The following SMYD3 variants were observed in gnomAD, a reference collection of about 807,000 sequenced individuals.
The protein encoded by SMYD3 is histone-lysine N-methyltransferase SMYD3.
In SMYD3, 36 loss-of-function variants were observed where a neutral mutation model predicts 57.7. That is an observed-to-expected ratio of 0.62 (90% CI 0.48 to 0.82). The LOEUF (loss-of-function observed/expected upper bound fraction) is 0.82. Ranked by LOEUF, SMYD3 falls within the 40% of genes least tolerant of loss-of-function variation. The probability of loss-of-function intolerance (pLI) is 0.00; values close to 1 mark genes in which losing one functional copy is unlikely to be tolerated. For missense variants in SMYD3, 515 were observed against 538.8 expected (o/e 0.96, Z 0.44); for synonymous variants, 211 against 195.0 (o/e 1.08, Z -0.68).
chr1:246,428,226 C>T (rs2067248916), intron 1 of SMYD3, among the ~76,000 whole-genome samples: 1 of 152,118 alleles, frequency 6.6e-6, no homozygotes, highest in African/African-American at 2.4e-5. Flanking sequence ...TTTAGAGTTC[C>T]TTTAACCTAC....
chr1:245,785,238 G>A (rs2046987479), intron 10 of SMYD3, among the ~76,000 whole-genome samples: 1 of 152,026 alleles, frequency 6.6e-6, no homozygotes, highest in Non-Finnish European at 1.5e-5. Context: ...ATGTGGAGGA[G>A]GAGATATTGT....
chr1:246,189,415 T>C (rs540178019), intron 5 of SMYD3, among the ~76,000 whole-genome samples: 1 of 152,346 alleles, frequency 6.6e-6, no homozygotes, highest in South Asian at 2.1e-4. Context: ...GGAGCATGAC[T>C]GACTGGATGA....
chr1:245,754,067 C>G (rs1558302201), intron 11 of SMYD3, among the ~76,000 whole-genome samples: 1 of 152,108 alleles, frequency 6.6e-6, no homozygotes, highest in Non-Finnish European at 1.5e-5. Flanking sequence ...CGAAATGTCA[C>G]ATGAGAAAAG....
At chr1:245,915,458 C>G (rs2055337759) in intron 8 of SMYD3, 72 bp downstream of exon 8, 7 of 959,926 alleles carry the variant, frequency 7.3e-6, no homozygotes, top group Non-Finnish European at 9.8e-6. Flanking sequence ...TTTATGAAAT[C>G]TAGGCAGAGT....
At chr1:246,459,867 G>C (rs980592960) in intron 1 of SMYD3, among the ~76,000 whole-genome samples, 20 of 132,008 alleles carry the variant, frequency 1.5e-4, no homozygotes, top group African/African-American at 5.6e-4. Flanking sequence ...ACTGTCACGT[G>C]AACTGAAGAT....
At chr1:245,909,867 G>A (rs2054842418) in intron 8 of SMYD3, among the ~76,000 whole-genome samples, 1 of 151,984 alleles carries the variant, frequency 6.6e-6, no homozygotes, top group Non-Finnish European at 1.5e-5. Flanking sequence ...ACACTTAATT[G>A]GGAAAAACTG....
intron 10 of SMYD3, among the ~76,000 whole-genome samples, chr1:245,781,003 A>G (rs1439441261): frequency 6.6e-6 from 1 of 152,218 alleles, no homozygotes; most frequent in Non-Finnish European, 1.5e-5. Flanking sequence ...AAGTAAGGCT[A>G]CATATATGAT....
At chr1:246,434,386 A>G (rs2067339717) in intron 1 of SMYD3, among the ~76,000 whole-genome samples, 2 of 152,246 alleles carry the variant, frequency 1.3e-5, no homozygotes, top group South Asian at 2.1e-4. Context: ...ACAAACTGTG[A>G]ATTTGTCTAT....
chr1:246,181,290 C>A (rs1340494762), intron 5 of SMYD3, among the ~76,000 whole-genome samples: 1 of 152,214 alleles, frequency 6.6e-6, no homozygotes, highest in Admixed American at 6.5e-5. Context: ...CTCCATCCAA[C>A]CTTCAAACAG....
In SMYD3 at chr1:245,951,341, G is replaced by T. The variant is rs758735730; in HGVS notation, c.532-21404C>A. Among the ~76,000 whole-genome samples the T allele has an allele frequency of 2.7e-3, 308 of 114,228 alleles. 5 individuals are homozygous for T. The highest frequency in any genetic ancestry group is 4.4e-3 in the Non-Finnish European group (257 of 58,714). The allele number at this position is 114,228 out of a possible 152,430, so 74.9% of individuals were successfully genotyped here. A position where few individuals can be genotyped will look rare whatever the true frequency, so the allele number is the denominator to read the frequency against. ...GTGGCTCACTTTGGGAGGCTGAGGC[G>T]GGTGGATCACGAGGTCAGGAGATCG... On this transcript the variant is annotated intron_variant, in intron 5 of 11. Coordinates refer to ENST00000490107, the MANE Select transcript of SMYD3 (RefSeq NM_001167740.2).
chr1:246,247,351 T>C (rs2063720536), intron 5 of SMYD3, among the ~76,000 whole-genome samples: 1 of 142,820 alleles, frequency 7.0e-6, no homozygotes, highest in Admixed American at 7.2e-5. Context: ...AATTAAATAA[T>C]TATTTATAAC....
intron 5 of SMYD3, among the ~76,000 whole-genome samples, chr1:246,271,769 C>T (rs1243673114): frequency 6.6e-6 from 1 of 152,060 alleles, no homozygotes; most frequent in Non-Finnish European, 1.5e-5. Flanking sequence ...ATAACTTTAG[C>T]TATTTGGAGT....
intron 5 of SMYD3, among the ~76,000 whole-genome samples, chr1:246,014,425 T>C (rs1572892687): frequency 1.3e-5 from 2 of 152,318 alleles, no homozygotes; most frequent in Non-Finnish European, 2.9e-5. Context: ...TCATGCTTTC[T>C]GTAGGAAGTG....
intron 7 of SMYD3, 86 bp from the exon 8 acceptor site, chr1:245,915,726 G>T: frequency 1.2e-6 from 1 of 848,642 alleles, no homozygotes; most frequent in South Asian, 2.1e-5. Context: ...CTAATTATTG[G>T]AGTAAAACTT....
intron 7 of SMYD3, among the ~76,000 whole-genome samples, chr1:245,917,716 T>C (rs528553450): frequency 6.6e-6 from 1 of 152,310 alleles, no homozygotes; most frequent in East Asian, 1.9e-4. Flanking sequence ...TCCTGTATCA[T>C]ATATCAGCTT....
At chr1:246,454,812 C>T (rs909385490) in intron 1 of SMYD3, among the ~76,000 whole-genome samples, 2 of 152,138 alleles carry the variant, frequency 1.3e-5, no homozygotes, top group African/African-American at 4.8e-5. Flanking sequence ...TGGATGCAAG[C>T]TCTAAGGGCA....
At chr1:245,812,332 C>A (rs1243746405) in intron 10 of SMYD3, among the ~76,000 whole-genome samples, 1 of 152,208 alleles carries the variant, frequency 6.6e-6, no homozygotes, top group Non-Finnish European at 1.5e-5. Context: ...TTTCAGTTCC[C>A]TGAATGTGCT....
intron 10 of SMYD3, among the ~76,000 whole-genome samples, chr1:245,854,425 A>T (rs2051129140): frequency 6.6e-6 from 1 of 152,210 alleles, no homozygotes; most frequent in Admixed American, 6.5e-5. Context: ...GTACACATAA[A>T]TGGAAACGAC....
intron 11 of SMYD3, among the ~76,000 whole-genome samples, chr1:245,762,641 T>C (rs1395025933): frequency 2.0e-5 from 3 of 152,204 alleles, no homozygotes; most frequent in African/African-American, 7.2e-5. Flanking sequence ...AATCCTAGTG[T>C]TACTCCCGTT....
Sources: gnomAD v4.1 joint callset for allele counts (sites outside exome capture counted in the v4.1 genomes callset) on GRCh38, gnomAD v4.1.1 for gene constraint, MANE v1.5 for transcripts, NCBI Gene and HGNC (gene_info 2026-07-23, HGNC 2026-07-21) for gene names.